The following LZTR1 variants were observed in gnomAD, a reference collection of about 807,000 sequenced individuals.
LZTR1 encodes the protein leucine zipper like post translational regulator 1.
LZTR1 carries 260 observed loss-of-function variants against 105.7 expected under a neutral mutation model. The ratio of observed to expected loss-of-function variants is 2.46; its 90% CI spans 2.22 to 2.72. The LOEUF (loss-of-function observed/expected upper bound fraction) is 2.72, where lower values mean the gene tolerates loss of function less well. Among genes scored for constraint, LZTR1 ranks in the 30% most tolerant of loss-of-function variants. The pLI, the probability that LZTR1 is intolerant of heterozygous loss-of-function variation, is 0.00. For missense variants in LZTR1, 1,214 were observed against 1,166.9 expected (o/e 1.04, Z -0.59); for synonymous variants, 490 against 476.4 (o/e 1.03, Z -0.37).
chr22:20,994,764 G>T, intron 15 of LZTR1, 37 bp downstream of exon 15: 1 of 1,608,080 alleles, frequency 6.2e-7, no homozygotes. Flanking sequence ...GGTTGGGTGG[G>T]GTGTGCTCAG....
chr22:20,986,086 C>T lies in LZTR1; in HGVS notation c.320+189C>T, dbSNP rs8138014. The T allele has an allele frequency of 0.026, 16,237 of 617,546 alleles. 1,867 individuals carry two copies. Among genetic ancestry groups the T allele is most frequent in the African/African-American group, 0.26 (14,044 of 54,148 alleles). 38.3% of individuals were successfully genotyped at this position (617,546 alleles called of 1,614,324 possible). ...TGTCAGGCTGAGGAGATCAAGTAAC[C>T]ACCCCGCACCTGCAGCTGCCAAGCT... On this transcript the variant is annotated intron_variant, in intron 3 of 20. Coordinates refer to ENST00000646124, the MANE Select transcript of LZTR1 (RefSeq NM_006767.4).
chr22:20,997,152 A>G (rs2147970804), intron 20 of LZTR1, 80 bp from the exon 21 acceptor site: 1 of 1,146,584 alleles, frequency 8.7e-7, no homozygotes, highest in Non-Finnish European at 1.3e-6. Context: ...TGAGCAGGGT[A>G]GGCCCCACAG....
Position 20,983,084 on chromosome 22 carries a change from CA to C in LZTR1, c.260del (p.Asn87MetfsTer14). On this transcript the variant is annotated frameshift_variant, in exon 2 of 21. Coordinates refer to ENST00000646124, the MANE Select transcript of LZTR1 (RefSeq NM_006767.4). LOFTEE classifies it high-confidence loss of function. ...KDAIYVFGGD[N>X]GKTMLNDLLR... ...ATGCCATTTATGTATTTGGTGGAGA[CA>C]ATGGGTGAGTGAGTCTCAGCATCAG... 6.2e-7 allele frequency: 1 copy of C among 1,613,758 alleles called. No individual in the cohort carries two copies. Among genetic ancestry groups the C allele is most frequent in the Non-Finnish European group, 8.5e-7 (1 of 1,179,658 alleles).
chr22:20,992,538 T>G, intron 10 of LZTR1, 169 bp downstream of exon 10: 1 of 813,542 alleles, frequency 1.2e-6, no homozygotes, highest in Non-Finnish European at 1.9e-6. Flanking sequence ...GGCTGCAGCT[T>G]TCTGGGGTGG....
rs1176440814 is a variant in LZTR1 at position 20,993,761 on chromosome 22, G to T, written c.1353+7G>T. The T allele has an allele frequency of 6.2e-7, 1 of 1,610,720 alleles. No homozygotes were observed. The highest frequency in any genetic ancestry group is 8.5e-7 in the Non-Finnish European group (1 of 1,178,832). ...GGAGTTCGTGCTGGGTGAGGTGGGT[G>T]CCTGTCCTCGCACCCTGCTCTGCCT... On this transcript the variant is annotated splice_region_variant and intron_variant, in intron 12 of 20. Transcript: ENST00000646124.
intron 2 of LZTR1, 162 bp downstream of exon 2, chr22:20,983,251 G>A (rs1204514816): frequency 9.2e-6 from 6 of 655,122 alleles, no homozygotes; most frequent in African/African-American, 9.0e-5. Flanking sequence ...CTCCCTGGTC[G>A]TGGTGAGGAT....
chr22:20,994,935 C>T lies in LZTR1; in HGVS notation c.1851C>T (p.Phe617=), dbSNP rs761878206. ...HFNQVIMMKE[F]ERLSSPLIVE... The stretch of plus-strand genomic sequence containing the variant: ...ACCAGGTGATCATGATGAAGGAGTT[C>T]GAGCGCCTCTCCTCTCCACTGATAG... Residue 617 remains phenylalanine, a synonymous_variant, in exon 16 of 21, where the codon TTC becomes TTT. Transcript: ENST00000646124. 1.3e-5 allele frequency: 21 copies of T among 1,613,278 alleles called. No homozygotes were observed. The highest frequency in any genetic ancestry group is 6.7e-5 in the African/African-American group (5 of 74,938).
At chr22:20,990,171 A>ATTTAACACTGACGAT (rs1273246137) in intron 7 of LZTR1, among the ~76,000 whole-genome samples, 2 of 152,150 alleles carry the variant, frequency 1.3e-5, no homozygotes, top group African/African-American at 4.8e-5. Flanking sequence ...GCCCCTGATG[A>ATTTAACACTGACGAT]TTTAACCCTG....
Position 20,993,756 on chromosome 22 carries a change from T to C in LZTR1, c.1353+2T>C. ...GACGTGGAGTTCGTGCTGGGTGAGG[T>C]GGGTGCCTGTCCTCGCACCCTGCTC... On this transcript the variant is annotated splice_donor_variant, in intron 12 of 20. Transcript: ENST00000646124. LOFTEE classifies it high-confidence loss of function. The C allele has an allele frequency of 3.1e-6, 5 of 1,611,786 alleles. No individual in the cohort carries two copies. The highest frequency in any genetic ancestry group is 1.1e-5 in the South Asian group (1 of 90,992).
chr22:20,997,113 T>C (rs1451730035), intron 20 of LZTR1, 119 bp from the exon 21 acceptor site: 1 of 1,114,192 alleles, frequency 9.0e-7, no homozygotes, highest in South Asian at 1.3e-5. Flanking sequence ...GGCCGCACCT[T>C]GCTTCATCCT....
intron 15 of LZTR1, 37 bp downstream of exon 15, chr22:20,994,764 G>A: frequency 6.2e-7 from 1 of 1,608,080 alleles, no homozygotes; most frequent in Non-Finnish European, 8.5e-7. Flanking sequence ...GGTTGGGTGG[G>A]GTGTGCTCAG....
Position 20,997,325 on chromosome 22 carries a change from G to C in LZTR1, c.2500G>C (p.Ala834Pro). The C allele has an allele frequency of 1.2e-6, 2 of 1,613,306 alleles. No homozygotes were observed. The highest frequency in any genetic ancestry group is 1.7e-6 in the Non-Finnish European group (2 of 1,179,702). The part of the protein sequence containing the change: ...LASHISDKQC[A>P]ELGADI Reference sequence around the variant, plus strand: ...CTCCCACATCTCAGACAAGCAGTGCGCAGAGCTGGGCGCCGACATCTGAGG... The same window carrying C: ...CTCCCACATCTCAGACAAGCAGTGCCCAGAGCTGGGCGCCGACATCTGAGG... The change falls in exon 21 of 21, where the codon GCA becomes CCA. Residue 834 changes from alanine to proline, a missense_variant. By Grantham distance (27) the Ala-to-Pro change is conservative. Coordinates refer to ENST00000646124, the MANE Select transcript of LZTR1 (RefSeq NM_006767.4).
intron 18 of LZTR1, chr22:20,996,405 C>T (rs1395917840): frequency 3.4e-6 from 2 of 591,854 alleles, no homozygotes; most frequent in Non-Finnish European, 6.0e-6. Flanking sequence ...CATGGAGGTA[C>T]TCCTTATGTC....
chr22:20,982,301 T>C lies in LZTR1; in HGVS notation c.-71T>C, dbSNP rs1924217666. On this transcript the variant is annotated 5_prime_UTR_variant, in exon 1 of 21. Coordinates refer to ENST00000646124, the MANE Select transcript of LZTR1 (RefSeq NM_006767.4). Reference sequence around the variant, plus strand: ...GCGCAGGGCTCGCCGGGAAATGTGGTTTCTCCAGCCGGCCCGGGGCGGTGG... The same window carrying C: ...GCGCAGGGCTCGCCGGGAAATGTGGCTTCTCCAGCCGGCCCGGGGCGGTGG... The C allele has an allele frequency of 8.0e-7, 1 of 1,254,624 alleles. No homozygotes were observed. The highest frequency in any genetic ancestry group is 2.4e-5 in the Admixed American group (1 of 41,094). 77.7% of individuals were successfully genotyped at this position (1,254,624 alleles called of 1,614,324 possible).
chr22:20,987,492 T>A lies in LZTR1; in HGVS notation c.321-12T>A. 6.3e-7 allele frequency: 1 copy of A among 1,576,686 alleles called. No individual in the cohort carries two copies. The highest frequency in any genetic ancestry group is 8.7e-7 in the Non-Finnish European group (1 of 1,154,970). On this transcript the variant is annotated splice_polypyrimidine_tract_variant and intron_variant, in intron 3 of 20. Transcript: ENST00000646124. ...CCCCCGCTGACTCTCACCACCCCTGTGCCCACCCCAGGGCCTTTACCACTG... is the reference window on the plus strand; with the variant it reads ...CCCCCGCTGACTCTCACCACCCCTGAGCCCACCCCAGGGCCTTTACCACTG...
chr22:20,997,150 G>T (rs1217166084), intron 20 of LZTR1, 82 bp from the exon 21 acceptor site: 1 of 1,156,136 alleles, frequency 8.6e-7, no homozygotes, highest in Admixed American at 1.7e-5. Context: ...CCTGAGCAGG[G>T]TAGGCCCCAC....
chr22:20,994,131 C>T lies in LZTR1; in HGVS notation c.1477C>T (p.Pro493Ser). 6.3e-7 allele frequency: 1 copy of T among 1,587,496 alleles called. No individual in the cohort carries two copies. The change falls in exon 14 of 21, where the codon CCC (proline) becomes TCC (serine). Residue 493 changes from proline to serine, a missense_variant. Physicochemically the swap from Pro to Ser is moderately conservative, Grantham distance 74 (BLOSUM62 -1). Transcript: ENST00000646124. ...GCTGGAGCAGGAGGCCGCCCCAGTT[C>T]CCAGGGAGGCCCCCGGCGTGGCTGC... ...QKLEQEAAPV[P>S]REAPGVAAGG... is the part of the protein sequence containing the mutation.
At chr22:20,995,162 C>A in intron 16 of LZTR1, 136 bp downstream of exon 16, 1 of 968,936 alleles carries the variant, frequency 1.0e-6, no homozygotes, top group Non-Finnish European at 1.5e-6. Context: ...GAGTGCTCTC[C>A]TGGGTACAGG....
intron 10 of LZTR1, 75 bp from the exon 11 acceptor site, chr22:20,992,719 C>T: frequency 2.0e-6 from 2 of 1,003,034 alleles, no homozygotes; most frequent in East Asian, 2.6e-5. Flanking sequence ...CGCATCCTTG[C>T]CTTACCTGGC....
Sources: allele counts gnomAD v4.1 joint callset (sites outside exome capture counted in the v4.1 genomes callset), GRCh38; gene constraint gnomAD v4.1.1; transcripts MANE v1.5; gene names NCBI Gene and HGNC (gene_info 2026-07-23, HGNC 2026-07-21).